MLLT6: variants seen among roughly 807,000 people sequenced by gnomAD.
MLLT6 encodes MLLT6, PHD finger containing.
In MLLT6, 22 loss-of-function variants were observed where a neutral mutation model predicts 103.0. The ratio of observed to expected loss-of-function variants is 0.21; its 90% CI spans 0.15 to 0.31. The LOEUF (loss-of-function observed/expected upper bound fraction) is 0.31, where lower values mean the gene tolerates loss of function less well. Among genes scored for constraint, MLLT6 ranks in the 10% least tolerant of loss-of-function variants. The pLI is 1.00. For missense variants in MLLT6, 1,199 were observed against 1,441.7 expected, an observed-to-expected ratio of 0.83 and a Z score of 2.73; for synonymous variants, 606 against 623.5, an observed-to-expected ratio of 0.97 and a Z score of 0.42.
chr17:38,711,784 C>A, intron 6 of MLLT6, 63 bp from the exon 7 acceptor site: 1 of 1,454,730 alleles, frequency 6.9e-7, no homozygotes, highest in Non-Finnish European at 9.1e-7. Flanking sequence ...CTCTAACCTT[C>A]TGGAAGCGTT....
At chr17:38,705,889 C>T (rs934167392) in intron 1 of MLLT6, 148 bp downstream of exon 1, 3 of 300,314 alleles carry the variant, frequency 1.0e-5, no homozygotes, top group African/African-American at 4.4e-5. Flanking sequence ...GGAGCTCCCC[C>T]CGCCCGGTCC....
At chr17:38,717,350 G>T in intron 10 of MLLT6, 82 bp from the exon 11 acceptor site, 1 of 1,152,336 alleles carries the variant, frequency 8.7e-7, no homozygotes. Flanking sequence ...CTCGAGCTGG[G>T]GAGGGGCTGT....
intron 14 of MLLT6, 99 bp downstream of exon 14, chr17:38,719,994 G>A (rs1346586578): frequency 7.0e-7 from 1 of 1,434,638 alleles, no homozygotes; most frequent in Non-Finnish European, 9.2e-7. Context: ...CCGCCCTTAG[G>A]CCCCGCCCCA....
At chr17:38,725,372 T>C (rs1487433111) in intron 19 of MLLT6, 185 bp from the exon 20 acceptor site, 1 of 601,716 alleles carries the variant, frequency 1.7e-6, no homozygotes, top group Non-Finnish European at 3.0e-6. Flanking sequence ...GGTGCTCTTC[T>C]GCAGGGTGGT....
At chr17:38,712,990 T>C (rs770697245) in intron 8 of MLLT6, 1 of 775,908 alleles carries the variant, frequency 1.3e-6, no homozygotes, top group Non-Finnish European at 2.4e-6. Flanking sequence ...AACCATGGGA[T>C]TGGGAGTTTG....
chr17:38,715,584 T>G (rs199619571), intron 8 of MLLT6, 28 bp from the exon 9 acceptor site: 1 of 1,590,376 alleles, frequency 6.3e-7, no homozygotes, highest in South Asian at 1.2e-5. Flanking sequence ...GCACCTGGTG[T>G]TGAACCTTCC....
At position 38,729,473 on chromosome 17, in the gene MLLT6, CT is replaced by C. The variant is rs967668609; in HGVS notation, c.*3877del. ...TCACTTTCTCCAGCTCAACTTGGGA[CT>C]TGGGTGGTGGGACTGGAGACCTCAC... On this transcript the variant is annotated 3_prime_UTR_variant, in exon 20 of 20. Transcript: ENST00000621332. 8.6e-5 allele frequency: 20 copies of C among 233,316 alleles called. No homozygotes were observed. The highest frequency in any genetic ancestry group is 3.8e-4 in the African/African-American group (17 of 45,312). The allele number at this position is 233,316 out of a possible 1,614,324, so 14.5% of individuals were successfully genotyped here. A position where few individuals can be genotyped will look rare whatever the true frequency, so the allele number is the denominator to read the frequency against.
In MLLT6 at chr17:38,721,976, G is replaced by T; in HGVS notation, c.2541G>T (p.Leu847=). The change falls in exon 17 of 20, where the codon CTG becomes CTT. Residue 847 remains leucine, a synonymous_variant. Transcript: ENST00000621332. ...TCCTCCAGCAGAGCCCTGCCACTCT[G>T]CCCCTGGCCCTGCCTGGGGCCCCTG... ...LPLLQQSPAT[L]PLALPGAPAP... is the part of the protein sequence containing the mutation. 1 of 1,501,248 alleles carries T rather than the reference G, an allele frequency of 6.7e-7. No homozygotes were observed. The allele number at this position is 1,501,248 out of a possible 1,614,324, so 93.0% of individuals were successfully genotyped here. A position where few individuals can be genotyped will look rare whatever the true frequency, so the allele number is the denominator to read the frequency against.
rs762184715 is a variant in MLLT6, at chr17:38,716,820, C to G, written c.1490C>G (p.Ser497Cys). ...GGCACTGGGGGCCCAGCTGCCCCAT[C>G]CTTGCCCAGTGCCCAGCTGGCTGGC... ...KEGTGGPAAP[S>C]LPSAQLAGFT... Residue 497 changes from serine (S) to cysteine (C), a missense_variant, in exon 10 of 20, where the codon TCC becomes TGC. Ser to Cys is a moderately radical substitution (Grantham distance 112). Coordinates refer to ENST00000621332, the MANE Select transcript of MLLT6 (RefSeq NM_005937.4). The surrounding 1 kb of genome is among the most constrained non-coding windows in gnomAD (Gnocchi z 5.6). 2 of 1,612,446 alleles carry G rather than the reference C, an allele frequency of 1.2e-6. No homozygotes were observed. Among genetic ancestry groups the G allele is most frequent in the Non-Finnish European group, 1.7e-6 (2 of 1,179,232 alleles).
intron 7 of MLLT6, 119 bp downstream of exon 7, chr17:38,712,133 C>G: frequency 7.3e-7 from 1 of 1,376,316 alleles, no homozygotes; most frequent in Non-Finnish European, 9.4e-7. Flanking sequence ...CTTCCTTCCT[C>G]TGAGGCCACT....
chr17:38,711,173 A>G (rs1198659328), intron 6 of MLLT6, among the ~76,000 whole-genome samples: 1 of 152,166 alleles, frequency 6.6e-6, no homozygotes, highest in Non-Finnish European at 1.5e-5. Flanking sequence ...GGGAGCAGCT[A>G]TAACCCCGGG....
Position 38,725,889 on chromosome 17 carries a change from C to A in MLLT6, c.*291C>A, listed in dbSNP as rs1334984656. On this transcript the variant is annotated 3_prime_UTR_variant, in exon 20 of 20. Coordinates refer to ENST00000621332, the MANE Select transcript of MLLT6 (RefSeq NM_005937.4). Reference sequence around the variant, plus strand: ...CATCCCCAGCAAATGTTTTGGAGGTCCCCCCAGAGAGCAGAGTGGGCCATG... The same window carrying A: ...CATCCCCAGCAAATGTTTTGGAGGTACCCCCAGAGAGCAGAGTGGGCCATG... The A allele has an allele frequency of 3.5e-4, 154 of 446,006 alleles. 2 individuals carry two copies. The East Asian group carries it at 5.8e-3, about 17-fold the overall frequency. 27.6% of individuals were successfully genotyped at this position (446,006 alleles called of 1,614,324 possible).
In MLLT6 at chr17:38,729,209, G is replaced by A. The variant is rs1906193754; in HGVS notation, c.*3611G>A. On this transcript the variant is annotated 3_prime_UTR_variant, in exon 20 of 20. Coordinates refer to ENST00000621332, the MANE Select transcript of MLLT6 (RefSeq NM_005937.4). ...TCTAGGATCTTCCTTGGTGTGCAATGGGCCAGTTAGGGGTAGGCAGCTTGC... is the reference window on the plus strand; with the variant it reads ...TCTAGGATCTTCCTTGGTGTGCAATAGGCCAGTTAGGGGTAGGCAGCTTGC... The A allele has an allele frequency of 4.3e-6, 1 of 233,210 alleles. No homozygotes were observed. The highest frequency in any genetic ancestry group is 1.8e-4 in the South Asian group (1 of 5,534). 14.4% of individuals were successfully genotyped at this position (233,210 alleles called of 1,614,324 possible).
In MLLT6 at chr17:38,705,745, C is replaced by CG; in HGVS notation, c.109+9dup. On this transcript the variant is annotated splice_donor_region_variant and intron_variant, in intron 1 of 19. Coordinates refer to ENST00000621332, the MANE Select transcript of MLLT6 (RefSeq NM_005937.4). ...TGCAGCGTGGCCGTCCACCAAGGTA[C>CG]GGGGGTGGCCCGCGGGGGGCGGCGG... 1 of 1,365,446 alleles carries CG rather than the reference C, an allele frequency of 7.3e-7. No homozygotes were observed. The highest frequency in any genetic ancestry group is 2.9e-5 in the East Asian group (1 of 34,786). The allele number at this position is 1,365,446 out of a possible 1,614,324, so 84.6% of individuals were successfully genotyped here. A position where few individuals can be genotyped will look rare whatever the true frequency, so the allele number is the denominator to read the frequency against.
rs1906106940 is a variant in MLLT6, at chr17:38,727,600, C to G, written c.*2002C>G. ...GGCGGATCACTTAAGGTCAGGAGTT[C>G]AAGACCAGCCTGGCCAACATGGTGA... On this transcript the variant is annotated 3_prime_UTR_variant, in exon 20 of 20. Coordinates refer to ENST00000621332, the MANE Select transcript of MLLT6 (RefSeq NM_005937.4). The G allele has an allele frequency of 5.2e-6, 1 of 192,674 alleles. No homozygotes were observed. Among genetic ancestry groups the G allele is most frequent in the African/African-American group, 2.3e-5 (1 of 42,992 alleles). The allele number at this position is 192,674 out of a possible 1,614,324, so 11.9% of individuals were successfully genotyped here.
Position 38,719,758 on chromosome 17 carries a change from T to G in MLLT6, c.2018T>G (p.Ile673Ser). ...GTTCCCTCTGGCCGCAGGTCCCCCA[T>G]CAGCAGCCTCCCCGCACTCTTCGAC... ...PQESLSSMSPISSLPALFDQT... is the reference protein window; with the variant it reads ...PQESLSSMSPSSSLPALFDQT... Residue 673 changes from isoleucine to serine, a missense_variant, in exon 14 of 20, where the codon ATC becomes AGC. Ile to Ser is a moderately radical substitution (Grantham distance 142). Transcript: ENST00000621332. The G allele has an allele frequency of 6.2e-7, 1 of 1,609,684 alleles. No individual in the cohort carries two copies. The highest frequency in any genetic ancestry group is 8.5e-7 in the Non-Finnish European group (1 of 1,177,310).
In MLLT6 at chr17:38,709,356, C is replaced by T. The variant is rs935374465; in HGVS notation, c.458+80C>T. ...ATCAGGCTCATCCTAGCTGCTGTCC[C>T]TTTGATGGTGGTGGCAATGCTTTGG... On this transcript the variant is annotated intron_variant, in intron 5 of 19. Transcript: ENST00000621332. This position sits in a 1 kb window ranked among gnomAD's most constrained non-coding sequence, Gnocchi z 4.3. 9 of 1,426,590 alleles carry T rather than the reference C, an allele frequency of 6.3e-6. No individual in the cohort carries two copies. The highest frequency in any genetic ancestry group is 3.5e-4 in the Middle Eastern group (2 of 5,676). 88.4% of individuals were successfully genotyped at this position (1,426,590 alleles called of 1,614,324 possible).
At chr17:38,707,696 TG>T in intron 3 of MLLT6, 66 bp from the exon 4 acceptor site, 1 of 1,230,238 alleles carries the variant, frequency 8.1e-7, no homozygotes, top group Non-Finnish European at 1.2e-6. Context: ...GTCTGCAGCG[TG>T]GGGTCATAAG....
intron 6 of MLLT6, among the ~76,000 whole-genome samples, chr17:38,711,515 G>C (rs1358163259): frequency 6.6e-6 from 1 of 152,136 alleles, no homozygotes; most frequent in African/African-American, 2.4e-5. Context: ...CCGTGGCTCA[G>C]TCAGCCAAGA....
Sources: allele counts gnomAD v4.1 joint callset (sites outside exome capture counted in the v4.1 genomes callset), GRCh38; gene constraint gnomAD v4.1.1; non-coding constraint Gnocchi (gnomAD v3.1); transcripts MANE v1.5; gene names NCBI Gene and HGNC (gene_info 2026-07-23, HGNC 2026-07-21).